Variants in INTS9 observed in about 807,000 individuals in gnomAD.
The protein encoded by INTS9 is protein related to CPSF subunits of 74 kDa.
A neutral mutation model predicts 79.7 loss-of-function variants in INTS9; 55 were observed. That is an observed-to-expected ratio of 0.69 (90% confidence interval 0.56 to 0.86). INTS9 has a LOEUF of 0.86. Ranked by LOEUF, INTS9 falls within the 40% of genes least tolerant of loss-of-function variation. INTS9 has a pLI of 0.00. For missense variants in INTS9, 721 were observed against 831.5 expected (o/e 0.87, Z 1.64); for synonymous variants, 319 against 325.2 (o/e 0.98, Z 0.20).
At chr8:28,814,334 ACT>A (rs1239353221) in intron 6 of INTS9, among the ~76,000 whole-genome samples, 2 of 139,188 alleles carry the variant, frequency 1.4e-5, no homozygotes, top group African/African-American at 2.7e-5. Context: ...ACACACACAC[ACT>A]CTCACACACA....
chr8:28,805,831 G>A (rs927389813), intron 8 of INTS9, among the ~76,000 whole-genome samples: 1 of 152,140 alleles, frequency 6.6e-6, no homozygotes, highest in Admixed American at 6.6e-5. Flanking sequence ...GGCAAGAAAG[G>A]ACTAGGAAAA....
intron 1 of INTS9, among the ~76,000 whole-genome samples, chr8:28,881,815 C>T (rs1365491145): frequency 1.4e-5 from 2 of 142,794 alleles, no homozygotes; most frequent in East Asian, 2.2e-4. Flanking sequence ...CCAGCCGCCC[C>T]GTCCGGGAGG....
intron 8 of INTS9, among the ~76,000 whole-genome samples, chr8:28,800,974 CT>C (rs1160531748): frequency 1.3e-5 from 2 of 152,214 alleles, no homozygotes; most frequent in African/African-American, 2.4e-5. Context: ...TCTCCCCCTC[CT>C]TGCTTCATGG....
At chr8:28,821,041 G>A (rs1791440699) in intron 6 of INTS9, among the ~76,000 whole-genome samples, 1 of 152,128 alleles carries the variant, frequency 6.6e-6, no homozygotes, top group South Asian at 2.1e-4. Context: ...ACTTCCCATT[G>A]CAGAAACCAG....
intron 13 of INTS9, 63 bp downstream of exon 13, chr8:28,777,766 A>G: frequency 1.3e-6 from 2 of 1,518,604 alleles, no homozygotes; most frequent in Non-Finnish European, 1.8e-6. Flanking sequence ...CTCACCCCAC[A>G]CAAGCATGAG....
chr8:28,855,530 A>G (rs934091788), intron 2 of INTS9, among the ~76,000 whole-genome samples: 16 of 152,234 alleles, frequency 1.1e-4, no homozygotes, highest in Non-Finnish European at 1.3e-4. Context: ...ACCCAAATTG[A>G]AAGTCGTTAT....
rs200514863 is a variant in INTS9, at chr8:28,809,434, A to G, written c.744+2893T>C. 5.9e-5 allele frequency among the ~76,000 whole-genome samples: 9 copies of G among 152,322 alleles called. No individual in the cohort carries two copies. In the East Asian group the frequency reaches 1.7e-3, roughly 29 times the overall value. On this transcript the variant is annotated intron_variant, in intron 8 of 16. Transcript: ENST00000521022. ...ACCAAAACTTTTCTCATCCCTGCCA[A>G]TTCAATACACAATCCAATTACGTGG...
intron 16 of INTS9, 79 bp downstream of exon 16, chr8:28,769,810 C>T: frequency 6.4e-7 from 1 of 1,562,672 alleles, no homozygotes; most frequent in Non-Finnish European, 8.7e-7. Context: ...CATCCACTCC[C>T]TGCAGCCAGG....
Position 28,846,806 on chromosome 8 carries a change from G to C in INTS9, c.202C>G (p.Leu68Val). 1.9e-6 allele frequency: 3 copies of C among 1,612,128 alleles called. No individual in the cohort carries two copies. The highest frequency in any genetic ancestry group is 2.5e-6 in the Non-Finnish European group (3 of 1,178,290). ...AATACATGACCCGAGCACTCCTTTA[G>C]CTCCTAAAAGAAATGAAAAGGAAAA... ...KDGNAFLDKE[L>V]KECSGHVFVD... The change falls in exon 4 of 17, where the codon CTA (leucine) becomes GTA (valine). Residue 68 changes from leucine to valine, a missense_variant. By Grantham distance (32) the Leu-to-Val change is conservative. This residue lies in a region of INTS9 where 291 missense variants were observed against 307.0 expected (regional missense o/e 0.95). Transcript: ENST00000521022.
At position 28,811,221 on chromosome 8, in the gene INTS9, G is replaced by A. The variant is rs182710340; in HGVS notation, c.744+1106C>T. 8.9e-3 allele frequency among the ~76,000 whole-genome samples: 1,341 copies of A among 150,504 alleles called. 46 individuals are homozygous for A. The highest frequency in any genetic ancestry group is 0.063 in the Admixed American group (951 of 15,078). On this transcript the variant is annotated intron_variant, in intron 8 of 16. Coordinates refer to ENST00000521022, the MANE Select transcript of INTS9 (RefSeq NM_018250.4). ...CAGCTCACTGCAACCTCTGTCTCCC[G>A]AGTTCAAGTGATTCTCCCGCCTCAG... is the stretch of plus-strand genomic sequence containing the variant.
At chr8:28,802,454 C>A (rs566292103) in intron 8 of INTS9, among the ~76,000 whole-genome samples, 4 of 152,280 alleles carry the variant, frequency 2.6e-5, no homozygotes, top group South Asian at 2.1e-4. Context: ...ACCCAAGGAA[C>A]CTTAGAAACC....
chr8:28,846,969 T>C (rs949115273), intron 3 of INTS9, among the ~76,000 whole-genome samples, 160 bp from the exon 4 acceptor site: 9 of 152,184 alleles, frequency 5.9e-5, no homozygotes, highest in Non-Finnish European at 1.2e-4. Flanking sequence ...ATGTTTAGGC[T>C]TAGGCAGGCC....
chr8:28,775,224 G>A lies in INTS9; in HGVS notation c.1563+535C>T, dbSNP rs1169077182. On this transcript the variant is annotated intron_variant, in intron 14 of 16. Transcript: ENST00000521022. ...ACCCATGATGTGGCCCAGGGCTCAC[G>A]CTGCTGAATGCTAGGTAAGGAGCAG... is the stretch of plus-strand genomic sequence containing the variant. Among the ~76,000 whole-genome samples, 6 of 152,204 alleles carry A rather than the reference G, an allele frequency of 3.9e-5. No homozygotes were observed. In the East Asian group the frequency reaches 1.2e-3, roughly 29 times the overall value.
rs758085228 is a variant in INTS9, at chr8:28,775,765, C to G, written c.1557G>C (p.Met519Ile). 5 of 1,614,098 alleles carry G rather than the reference C, an allele frequency of 3.1e-6. No individual in the cohort carries two copies. ...AGGAAGGAGAACAGCTCACCTCTGG[C>G]ATGATCTCGATCTTCTCGTACCGAC... ...FKRRYEKIEI[M>I]PELADSLVPM... Residue 519 changes from methionine to isoleucine, a missense_variant, in exon 14 of 17, where the codon ATG (methionine) becomes ATC (isoleucine). Coordinates refer to ENST00000521022, the MANE Select transcript of INTS9 (RefSeq NM_018250.4).
intron 1 of INTS9, among the ~76,000 whole-genome samples, chr8:28,874,698 C>G (rs1809282640): frequency 6.6e-6 from 1 of 152,146 alleles, no homozygotes; most frequent in South Asian, 2.1e-4. Context: ...TAAAACCCAC[C>G]ATGCTTTTGC....
At chr8:28,837,616 G>A (rs1413130937) in intron 5 of INTS9, 21 bp downstream of exon 5, 1 of 1,610,144 alleles carries the variant, frequency 6.2e-7, no homozygotes, top group Non-Finnish European at 8.5e-7. Flanking sequence ...ATCCTAGCAG[G>A]GTCAGAATCA....
At chr8:28,864,080 T>C (rs185544810) in intron 1 of INTS9, among the ~76,000 whole-genome samples, 19 of 152,322 alleles carry the variant, frequency 1.2e-4, no homozygotes, top group South Asian at 1.0e-3. Context: ...TGGCGGCTCA[T>C]GCCTATAATC....
chr8:28,867,318 C>T (rs568038857), intron 1 of INTS9, among the ~76,000 whole-genome samples: 5 of 152,136 alleles, frequency 3.3e-5, no homozygotes, highest in Non-Finnish European at 7.4e-5. Flanking sequence ...ACTTGGGAAG[C>T]TGAGGCAGGA....
chr8:28,867,395 G>C (rs546085102), intron 1 of INTS9, among the ~76,000 whole-genome samples: 25 of 152,130 alleles, frequency 1.6e-4, no homozygotes, highest in African/African-American at 6.0e-4. Context: ...CTCCAGCCTA[G>C]GTGACAGAGT....
Sources: allele counts gnomAD v4.1 joint callset (sites outside exome capture counted in the v4.1 genomes callset), GRCh38; gene constraint gnomAD v4.1.1; regional missense constraint gnomAD v4.1.1; transcripts MANE v1.5; gene names NCBI Gene and HGNC (gene_info 2026-07-23, HGNC 2026-07-21).